Variants in GRM7 observed in about 807,000 individuals in gnomAD.
The protein encoded by GRM7 is metabotropic glutamate receptor 7.
A neutral mutation model predicts 84.5 loss-of-function variants in GRM7; 35 were observed. The observed-to-expected ratio is 0.41, with a 90% CI of 0.32 to 0.55. The LOEUF is 0.55. Among genes scored for constraint, GRM7 ranks in the 20% least tolerant of loss-of-function variants. The pLI is 0.19. For synonymous variants in GRM7, 487 were observed against 455.1 expected, an observed-to-expected ratio of 1.07 and a Z score of -0.89; for missense variants, 1,003 against 1,194.6, an observed-to-expected ratio of 0.84 and a Z score of 2.36.
intron 2 of GRM7, among the ~76,000 whole-genome samples, chr3:7,270,027 C>T (rs1190714985): frequency 6.6e-6 from 1 of 152,200 alleles, no homozygotes; most frequent in African/African-American, 2.4e-5. Context: ...TGTTAATACA[C>T]CTATTGCTAG....
intron 2 of GRM7, among the ~76,000 whole-genome samples, chr3:7,159,506 G>T (rs1209118472): frequency 6.6e-6 from 1 of 152,116 alleles, no homozygotes. Flanking sequence ...TTGCTAGCAG[G>T]AGGTGGATAG....
chr3:6,954,238 C>A lies in GRM7; in HGVS notation c.519+92331C>A, dbSNP rs575429864. On this transcript the variant is annotated intron_variant, in intron 1 of 9. Coordinates refer to ENST00000357716, the MANE Select transcript of GRM7 (RefSeq NM_000844.4). ...CCAGTGTGTTGTGTACATGTCAAGT[C>A]CTTTCTTCTAGCTATTTTGAAAGAT... is the stretch of plus-strand genomic sequence containing the variant. Among the ~76,000 whole-genome samples, 10 of 152,208 alleles carry A rather than the reference C, an allele frequency of 6.6e-5. No individual in the cohort carries two copies. In the South Asian group the frequency reaches 2.1e-3, roughly 32 times the overall value.
At chr3:7,309,808 C>G (rs1700328713) in intron 4 of GRM7, among the ~76,000 whole-genome samples, 1 of 152,124 alleles carries the variant, frequency 6.6e-6, no homozygotes, top group South Asian at 2.1e-4. Context: ...ATGAAAGGAG[C>G]CAGTTTCCTG....
intron 4 of GRM7, among the ~76,000 whole-genome samples, chr3:7,308,391 C>G (rs1338085255): frequency 6.6e-6 from 1 of 152,120 alleles, no homozygotes; most frequent in Non-Finnish European, 1.5e-5. Context: ...CTTTACTTGT[C>G]TCTGTCTAGA....
At chr3:7,365,630 TGTGTGTGTGC>T (rs1455346460) in intron 4 of GRM7, among the ~76,000 whole-genome samples, 47 of 126,854 alleles carry the variant, frequency 3.7e-4, no homozygotes, top group African/African-American at 1.3e-3. Context: ...TTAATATGCA[TGTGTGTGTGC>T]GTGTGTGTAT....
At chr3:6,873,193 T>A (rs1695187322) in intron 1 of GRM7, among the ~76,000 whole-genome samples, 1 of 152,102 alleles carries the variant, frequency 6.6e-6, no homozygotes, top group Admixed American at 6.5e-5. Flanking sequence ...CGCCTCAGTC[T>A]CCTGAGTAGC....
chr3:7,331,178 C>T (rs76069261), intron 4 of GRM7, among the ~76,000 whole-genome samples: 6,282 of 152,216 alleles, frequency 0.041, 191 homozygotes, highest in Non-Finnish European at 0.058. Flanking sequence ...AAAATAAAGG[C>T]TGGCACACAT....
In GRM7 at chr3:7,119,637, T is replaced by C. The variant is rs186142138; in HGVS notation, c.520-26815T>C. On this transcript the variant is annotated intron_variant, in intron 1 of 9. Coordinates refer to ENST00000357716, the MANE Select transcript of GRM7 (RefSeq NM_000844.4). Reference sequence around the variant, plus strand: ...CTAACATTCATAATCTAGGACTGGATATTTCCTTGTAGTAACTCACGTTAG... The same window carrying C: ...CTAACATTCATAATCTAGGACTGGACATTTCCTTGTAGTAACTCACGTTAG... Among the ~76,000 whole-genome samples, 330 of 152,278 alleles carry C rather than the reference T, an allele frequency of 2.2e-3. 2 individuals carry two copies. The highest frequency in any genetic ancestry group is 2.7e-3 in the East Asian group (14 of 5,186).
chr3:7,350,283 G>A (rs1019990564), intron 4 of GRM7, among the ~76,000 whole-genome samples: 1 of 152,066 alleles, frequency 6.6e-6, no homozygotes, highest in African/African-American at 2.4e-5. Flanking sequence ...ATGATCAATT[G>A]TAATGCCTAA....
At chr3:7,572,865 T>A (rs375159360) in intron 7 of GRM7, among the ~76,000 whole-genome samples, 2,860 of 50,544 alleles carry the variant, frequency 0.057, 485 homozygotes, top group African/African-American at 0.12. Flanking sequence ...TATATATATA[T>A]ATATATATAT....
chr3:6,984,913 A>C (rs141124303), intron 1 of GRM7, among the ~76,000 whole-genome samples: 1 of 152,204 alleles, frequency 6.6e-6, no homozygotes, highest in Non-Finnish European at 1.5e-5. Flanking sequence ...GCGTGTGCCA[A>C]AACAGTTTGT....
chr3:7,617,952 C>G (rs891874823), intron 8 of GRM7, among the ~76,000 whole-genome samples: 4 of 152,068 alleles, frequency 2.6e-5, no homozygotes, highest in Admixed American at 2.6e-4. Flanking sequence ...ATTCTTGTGC[C>G]TGGATGCAAA....
At chr3:7,409,185 A>AACG (rs1695809608) in intron 4 of GRM7, among the ~76,000 whole-genome samples, 1 of 152,082 alleles carries the variant, frequency 6.6e-6, no homozygotes, top group Non-Finnish European at 1.5e-5. Context: ...CAAACTACCA[A>AACG]ACACTCAGGT....
chr3:6,864,245 C>T (rs762512990), intron 1 of GRM7, among the ~76,000 whole-genome samples: 1 of 152,184 alleles, frequency 6.6e-6, no homozygotes, highest in Non-Finnish European at 1.5e-5. Context: ...CTGAGGAATG[C>T]ACCAACTTGT....
intron 1 of GRM7, among the ~76,000 whole-genome samples, chr3:7,134,134 A>G (rs1693694299): frequency 6.6e-6 from 1 of 152,176 alleles, no homozygotes; most frequent in Non-Finnish European, 1.5e-5. Flanking sequence ...ATTTCATCTT[A>G]ACCCTGTGAT....
At chr3:7,070,059 T>C (rs1164178392) in intron 1 of GRM7, among the ~76,000 whole-genome samples, 1 of 152,122 alleles carries the variant, frequency 6.6e-6, no homozygotes, top group African/African-American at 2.4e-5. Flanking sequence ...TTCATCCTCA[T>C]CCTTTGACAA....
chr3:6,990,798 T>A, intron 1 of GRM7, among the ~76,000 whole-genome samples: 1 of 152,308 alleles, frequency 6.6e-6, no homozygotes, highest in African/African-American at 2.4e-5. Context: ...TTCTCTTTAG[T>A]TTTTAATGTT....
chr3:6,919,078 A>C (rs1057014236), intron 1 of GRM7, among the ~76,000 whole-genome samples: 2 of 152,228 alleles, frequency 1.3e-5, no homozygotes, highest in Non-Finnish European at 2.9e-5. Context: ...CATCAGGCAG[A>C]TCTTACTTTT....
chr3:7,221,804 A>ATTTTTTTTTTT (rs540956206), intron 2 of GRM7, among the ~76,000 whole-genome samples: 5 of 97,356 alleles, frequency 5.1e-5, no homozygotes, highest in Non-Finnish European at 6.1e-5. Flanking sequence ...AATTTCTTGT[A>ATTTTTTTTTTT]TTTTTTTTTT....
Sources: allele counts gnomAD v4.1 joint callset (sites outside exome capture counted in the v4.1 genomes callset), GRCh38; gene constraint gnomAD v4.1.1; transcripts MANE v1.5; gene names NCBI Gene and HGNC (gene_info 2026-07-23, HGNC 2026-07-21).